The following CSMD1 variants were observed in gnomAD, a reference collection of about 807,000 sequenced individuals.
The protein encoded by CSMD1 is CUB and Sushi multiple domains 1.
In CSMD1, 213 loss-of-function variants were observed where a neutral mutation model predicts 417.5. The ratio of observed to expected loss-of-function variants is 0.51; its 90% CI spans 0.46 to 0.57. The LOEUF is 0.57. Ranked by LOEUF, CSMD1 falls within the 20% of genes least tolerant of loss-of-function variation. The pLI is 0.00. For synonymous variants in CSMD1, 2,862 were observed against 1,736.8 expected (o/e 1.65, Z -16.11); for missense variants, 6,923 against 4,529.7 (o/e 1.53, Z -15.17).
intron 1 of CSMD1, among the ~76,000 whole-genome samples, chr8:4,886,501 T>C (rs1396956424): frequency 1.3e-5 from 2 of 152,054 alleles, no homozygotes; most frequent in African/African-American, 4.8e-5. Context: ...ATCAAATTTC[T>C]ACTGACCTTG....
intron 2 of CSMD1, among the ~76,000 whole-genome samples, chr8:4,421,249 C>CA (rs1247377122): frequency 4.6e-5 from 7 of 151,830 alleles, no homozygotes; most frequent in Non-Finnish European, 5.9e-5. Flanking sequence ...AAAGGAAAAA[C>CA]AAAAAACAAA....
chr8:4,097,947 T>C (rs1279085271), intron 3 of CSMD1, among the ~76,000 whole-genome samples: 2 of 152,224 alleles, frequency 1.3e-5, no homozygotes, highest in African/African-American at 4.8e-5. Flanking sequence ...AATTTCTGTT[T>C]GATCATGGTA....
intron 3 of CSMD1, among the ~76,000 whole-genome samples, chr8:4,100,047 G>C (rs149209727): frequency 1.1e-4 from 16 of 152,024 alleles, no homozygotes; most frequent in Non-Finnish European, 2.1e-4. Context: ...GTAATAACGT[G>C]AGCATGCACT....
At chr8:3,523,894 C>A (rs972407765) in intron 10 of CSMD1, among the ~76,000 whole-genome samples, 2 of 145,380 alleles carry the variant, frequency 1.4e-5, no homozygotes, top group African/African-American at 2.7e-5. Flanking sequence ...TGCACAGAGA[C>A]ATATGCACAC....
At chr8:2,959,289 G>A (rs1284455308) in intron 62 of CSMD1, among the ~76,000 whole-genome samples, 1 of 152,118 alleles carries the variant, frequency 6.6e-6, no homozygotes, top group African/African-American at 2.4e-5. Flanking sequence ...ATTCTTTGTA[G>A]AAATAGGGTC....
chr8:4,405,205 A>G (rs1804924899), intron 3 of CSMD1, among the ~76,000 whole-genome samples: 1 of 152,222 alleles, frequency 6.6e-6, no homozygotes. Context: ...ATTTTACTCA[A>G]AGGAGACTAA....
At chr8:3,834,412 A>C (rs1802553373) in intron 5 of CSMD1, among the ~76,000 whole-genome samples, 1 of 151,858 alleles carries the variant, frequency 6.6e-6, no homozygotes, top group Non-Finnish European at 1.5e-5. Context: ...AAAACCCCAA[A>C]TACCCCCTGG....
At chr8:3,691,273 C>G (rs1037243002) in intron 7 of CSMD1, among the ~76,000 whole-genome samples, 3 of 151,902 alleles carry the variant, frequency 2.0e-5, no homozygotes, top group Non-Finnish European at 4.4e-5. Flanking sequence ...GAGGCTGAAG[C>G]AGGAGATCAC....
rs957250257 is a variant in CSMD1 at position 4,584,353 on chromosome 8, G to C, written c.302+52989C>G. On this transcript the variant is annotated intron_variant, in intron 2 of 69. Coordinates refer to ENST00000635120, the MANE Select transcript of CSMD1 (RefSeq NM_033225.6). ...TGAGACAATCGCCAATCGCCAAGCA[G>C]TGAGTAGCATCAGACCCCTTTCGCT... Among the ~76,000 whole-genome samples, 9 of 152,188 alleles carry C rather than the reference G, an allele frequency of 5.9e-5. No homozygotes were observed. The South Asian group carries it at 1.5e-3, about 25-fold the overall frequency.
intron 1 of CSMD1, among the ~76,000 whole-genome samples, chr8:4,882,579 T>C (rs1803483065): frequency 6.6e-6 from 1 of 151,782 alleles, no homozygotes; most frequent in Non-Finnish European, 1.5e-5. Flanking sequence ...CCTAAGAACA[T>C]TCAACCCCAA....
chr8:4,607,876 C>T (rs1800963421), intron 2 of CSMD1, among the ~76,000 whole-genome samples: 1 of 152,172 alleles, frequency 6.6e-6, no homozygotes, highest in Middle Eastern at 3.2e-3. Flanking sequence ...TCTGACTCTT[C>T]CTTGAATTCC....
intron 7 of CSMD1, among the ~76,000 whole-genome samples, chr8:3,694,633 G>A (rs187275165): frequency 6.6e-6 from 1 of 152,014 alleles, no homozygotes; most frequent in Non-Finnish European, 1.5e-5. Flanking sequence ...GGCATGAGAG[G>A]GAGGCTGGGT....
chr8:4,772,628 G>C (rs1024209825), intron 1 of CSMD1, among the ~76,000 whole-genome samples: 2 of 152,166 alleles, frequency 1.3e-5, no homozygotes, highest in African/African-American at 2.4e-5. Flanking sequence ...TTATCATAAA[G>C]AAAAATGTAA....
At chr8:3,803,099 G>C (rs902547263) in intron 5 of CSMD1, among the ~76,000 whole-genome samples, 3 of 152,184 alleles carry the variant, frequency 2.0e-5, no homozygotes, top group African/African-American at 7.2e-5. Context: ...TCAAAATGCA[G>C]TGTTCTCTCC....
At chr8:4,349,912 G>C (rs1800991166) in intron 3 of CSMD1, among the ~76,000 whole-genome samples, 1 of 150,796 alleles carries the variant, frequency 6.6e-6, no homozygotes, top group African/African-American at 2.5e-5. Context: ...TAGCAAAAAG[G>C]TTGTGCTATG....
intron 2 of CSMD1, among the ~76,000 whole-genome samples, chr8:4,429,019 C>T (rs1797720875): frequency 6.6e-6 from 1 of 151,962 alleles, no homozygotes; most frequent in Non-Finnish European, 1.5e-5. Flanking sequence ...TCGGCCTTAT[C>T]TTAGGTATTT....
chr8:4,783,427 G>C (rs922379888), intron 1 of CSMD1, among the ~76,000 whole-genome samples: 3 of 152,146 alleles, frequency 2.0e-5, no homozygotes, highest in Admixed American at 6.5e-5. Context: ...TCTCAATTCA[G>C]TGCTTTGGCT....
At chr8:3,591,475 T>C (rs1354033656) in intron 8 of CSMD1, among the ~76,000 whole-genome samples, 1 of 152,180 alleles carries the variant, frequency 6.6e-6, no homozygotes, top group Non-Finnish European at 1.5e-5. Context: ...TATTAAACAT[T>C]GGTATCATAA....
chr8:3,363,018 A>C (rs12682586), intron 20 of CSMD1, among the ~76,000 whole-genome samples: 1 of 152,134 alleles, frequency 6.6e-6, no homozygotes, highest in African/African-American at 2.4e-5. Context: ...TACTTATGTT[A>C]TCTGCCCTCC....
Sources: gnomAD v4.1 joint callset for allele counts (sites outside exome capture counted in the v4.1 genomes callset) on GRCh38, gnomAD v4.1.1 for gene constraint, MANE v1.5 for transcripts, NCBI Gene and HGNC (gene_info 2026-07-23, HGNC 2026-07-21) for gene names.